The following HNRNPR variants were observed in gnomAD, a reference collection of about 807,000 sequenced individuals.
HNRNPR encodes heterogeneous nuclear ribonucleoprotein R.
Under a neutral mutation model 70.3 loss-of-function variants are expected in HNRNPR, and 4 were observed. The observed-to-expected ratio is 0.06, with a 90% CI of 0.03 to 0.13. The LOEUF is 0.13. Ranked by LOEUF, HNRNPR falls within the 10% of genes least tolerant of loss-of-function variation. The probability of loss-of-function intolerance (pLI) is 1.00; values close to 1 mark genes in which losing one functional copy is unlikely to be tolerated. For missense variants in HNRNPR, 423 were observed against 788.5 expected (o/e 0.54, Z 5.55); for synonymous variants, 241 against 267.6 (o/e 0.90, Z 0.97).
chr1:23,320,869 T>A (rs563486362), intron 7 of HNRNPR, among the ~76,000 whole-genome samples: 3 of 152,072 alleles, frequency 2.0e-5, no homozygotes, highest in Non-Finnish European at 4.4e-5. Context: ...AATTGGATAT[T>A]TAAAAAAATC....
chr1:23,322,772 G>A (rs974279403), intron 6 of HNRNPR, among the ~76,000 whole-genome samples: 4 of 152,116 alleles, frequency 2.6e-5, no homozygotes, highest in Admixed American at 1.3e-4. Context: ...TTCTACAAAG[G>A]CTAGAACTAG....
At chr1:23,320,271 A>G (rs1462936707) in intron 7 of HNRNPR, among the ~76,000 whole-genome samples, 2 of 152,206 alleles carry the variant, frequency 1.3e-5, no homozygotes, top group Non-Finnish European at 2.9e-5. Flanking sequence ...TTGACAACAC[A>G]ATACTTGACA....
Position 23,306,987 on chromosome 1 carries a change from C to CT in HNRNPR, c.*3466dup, listed in dbSNP as rs1485344921. ...AATCCAGTGTAGTCTTTCTATAAGGCTTTTTCTTAGTTGCTCACTTAAGAG... is the reference window on the plus strand; with the variant it reads ...AATCCAGTGTAGTCTTTCTATAAGGCTTTTTTCTTAGTTGCTCACTTAAGAG... On this transcript the variant is annotated 3_prime_UTR_variant, in exon 11 of 11. Coordinates refer to ENST00000302271, the MANE Select transcript of HNRNPR (RefSeq NM_005826.5). The CT allele has an allele frequency of 6.6e-6, 1 of 152,144 alleles. No individual in the cohort carries two copies. The highest frequency in any genetic ancestry group is 2.4e-5 in the African/African-American group (1 of 41,450). 9.4% of individuals were successfully genotyped at this position (152,144 alleles called of 1,614,324 possible).
rs1645263065 is a variant in HNRNPR, at chr1:23,309,636, T to C, written c.*818A>G. On this transcript the variant is annotated 3_prime_UTR_variant, in exon 11 of 11. Coordinates refer to ENST00000302271, the MANE Select transcript of HNRNPR (RefSeq NM_005826.5). The stretch of plus-strand genomic sequence containing the variant: ...TACTTGAATTTAGACTAATCCTCAG[T>C]CTAATATCCACAACACATGTTGGAA... 6.6e-6 allele frequency: 1 copy of C among 152,542 alleles called. No individual in the cohort carries two copies. The allele number at this position is 152,542 out of a possible 1,614,324, so 9.4% of individuals were successfully genotyped here.
Position 23,313,564 on chromosome 1 carries a change from C to T in HNRNPR, c.1156G>A (p.Ala386Thr). ...YAFVHFEDRG[A>T]AVKAMDEMNG... ...TTCAAAATTCCTACCTTAACAGCTGCTCCTCTGTCTTCAAAATGAACAAAT... is the reference window on the plus strand; with the variant it reads ...TTCAAAATTCCTACCTTAACAGCTGTTCCTCTGTCTTCAAAATGAACAAAT... Residue 386 changes from alanine to threonine, a missense_variant, in exon 9 of 11, where the codon GCA (alanine) becomes ACA (threonine). Coordinates refer to ENST00000302271, the MANE Select transcript of HNRNPR (RefSeq NM_005826.5). 6.4e-7 allele frequency: 1 copy of T among 1,554,078 alleles called. No homozygotes were observed. The highest frequency in any genetic ancestry group is 8.6e-7 in the Non-Finnish European group (1 of 1,159,594).
intron 5 of HNRNPR, among the ~76,000 whole-genome samples, chr1:23,325,780 G>A (rs1028025842): frequency 6.6e-6 from 1 of 151,984 alleles, no homozygotes; most frequent in Non-Finnish European, 1.5e-5. Flanking sequence ...GCTCCTTCCT[G>A]TCTCCAAACA....
intron 6 of HNRNPR, 28 bp downstream of exon 6, chr1:23,323,528 G>A (rs1203387613): frequency 6.3e-7 from 1 of 1,589,414 alleles, no homozygotes; most frequent in Non-Finnish European, 8.6e-7. Flanking sequence ...ATAGTGACTT[G>A]CTAAGACAGT....
intron 8 of HNRNPR, 84 bp from the exon 9 acceptor site, chr1:23,313,786 T>C (rs570160416): frequency 7.1e-7 from 1 of 1,409,434 alleles, no homozygotes; most frequent in African/African-American, 1.5e-5. Flanking sequence ...ATAGCATAGC[T>C]TTTCTCCTCT....
In HNRNPR at chr1:23,311,312, T is replaced by A. The variant is rs1645328859; in HGVS notation, c.1178A>T (p.Glu393Val). 1 of 1,583,222 alleles carries A rather than the reference T, an allele frequency of 6.3e-7. No homozygotes were observed. Among genetic ancestry groups the A allele is most frequent in the South Asian group, 1.1e-5 (1 of 90,318 alleles). ...DRGAAVKAMD[E>V]MNGKEIEGEE... The stretch of plus-strand genomic sequence containing the variant: ...CCCTTCTATTTCTTTGCCATTCATT[T>A]CATCCATAGCCTATAAAAAATTAGA... Residue 393 changes from glutamate to valine, a missense_variant, in exon 10 of 11, where the codon GAA becomes GTA. This residue lies in a region of HNRNPR where 46 missense variants were observed against 164.6 expected (regional missense o/e 0.28). Coordinates refer to ENST00000302271, the MANE Select transcript of HNRNPR (RefSeq NM_005826.5).
intron 5 of HNRNPR, among the ~76,000 whole-genome samples, chr1:23,333,158 GACA>G (rs1461153950): frequency 3.3e-5 from 5 of 152,116 alleles, no homozygotes; most frequent in Non-Finnish European, 7.4e-5. Context: ...CTCCAGCCTG[GACA>G]ACAAGAGCGA....
intron 8 of HNRNPR, among the ~76,000 whole-genome samples, chr1:23,314,699 G>A (rs747028856): frequency 1.6e-4 from 25 of 152,148 alleles, no homozygotes; most frequent in Non-Finnish European, 2.8e-4. Flanking sequence ...ACACTATTTT[G>A]TCAAGAATGA....
At chr1:23,311,412 A>C (rs1241829080) in intron 9 of HNRNPR, 90 bp from the exon 10 acceptor site, 3 of 817,958 alleles carry the variant, frequency 3.7e-6, no homozygotes, top group South Asian at 1.8e-5. Context: ...GTGTAATTTA[A>C]TACACTTAAC....
intron 5 of HNRNPR, among the ~76,000 whole-genome samples, chr1:23,324,546 C>A (rs1322429528): frequency 1.3e-5 from 2 of 152,160 alleles, no homozygotes; most frequent in South Asian, 2.1e-4. Flanking sequence ...CCAGCCTGGG[C>A]AACAGAGCAA....
At chr1:23,336,112 GTC>G (rs1646468811) in intron 4 of HNRNPR, among the ~76,000 whole-genome samples, 3 of 9,798 alleles carry the variant, frequency 3.1e-4, no homozygotes, top group African/African-American at 7.4e-4. Context: ...GCGAGACTCC[GTC>G]TCAAAAAAAA....
chr1:23,343,863 G>A (rs1000011953), intron 1 of HNRNPR, among the ~76,000 whole-genome samples: 3 of 152,228 alleles, frequency 2.0e-5, no homozygotes, highest in African/African-American at 7.2e-5. Context: ...GGGGAGAAGC[G>A]GCAGGGCCGC....
intron 7 of HNRNPR, among the ~76,000 whole-genome samples, chr1:23,319,350 T>C (rs1185514538): frequency 1.3e-5 from 2 of 152,206 alleles, no homozygotes; most frequent in Non-Finnish European, 2.9e-5. Flanking sequence ...TTTCCAAAAC[T>C]GAACCACCAT....
Position 23,318,236 on chromosome 1 carries a change from T to C in HNRNPR, c.1017+247A>G, listed in dbSNP as rs1391236718. 6.6e-6 allele frequency among the ~76,000 whole-genome samples: 1 copy of C among 151,716 alleles called. No homozygotes were observed. Among genetic ancestry groups the C allele is most frequent in the Admixed American group, 6.6e-5 (1 of 15,238 alleles). ...AACAAACACCCAGTGTGTATGGGAC[T>C]ACTTAATTGAAGGAATTTCATTTCA... On this transcript the variant is annotated intron_variant, in intron 8 of 10. Transcript: ENST00000302271. The surrounding 1 kb of genome is among the most constrained non-coding windows in gnomAD (Gnocchi z 4.2).
At chr1:23,331,421 A>T (rs1410808209) in intron 5 of HNRNPR, among the ~76,000 whole-genome samples, 1 of 150,968 alleles carries the variant, frequency 6.6e-6, no homozygotes, top group East Asian at 1.9e-4. Context: ...AAAAAAAAAA[A>T]ATAGCTGGGC....
intron 5 of HNRNPR, among the ~76,000 whole-genome samples, chr1:23,325,816 A>C (rs1645949282): frequency 6.6e-6 from 1 of 151,700 alleles, no homozygotes; most frequent in Admixed American, 6.6e-5. Flanking sequence ...ACAACAAAAC[A>C]CCCCTTACTT....
Sources: gnomAD v4.1 joint callset for allele counts (sites outside exome capture counted in the v4.1 genomes callset) on GRCh38, gnomAD v4.1.1 for gene constraint, gnomAD v4.1.1 regional missense constraint, Gnocchi (gnomAD v3.1) non-coding constraint, MANE v1.5 for transcripts, NCBI Gene and HGNC (gene_info 2026-07-23, HGNC 2026-07-21) for gene names.